PITX1: variants seen among roughly 807,000 people sequenced by gnomAD.
The protein encoded by PITX1 is pituitary homeobox 1.
Under a neutral mutation model 24.1 loss-of-function variants are expected in PITX1, and 5 were observed. The observed-to-expected ratio is 0.21, with a 90% confidence interval of 0.11 to 0.44. PITX1 has a LOEUF of 0.44. Among genes scored for constraint, PITX1 ranks in the 20% least tolerant of loss-of-function variants. The pLI is 0.99. For missense variants in PITX1, 401 were observed against 455.4 expected, an observed-to-expected ratio of 0.88 and a Z score of 1.09; for synonymous variants, 213 against 208.9, an observed-to-expected ratio of 1.02 and a Z score of -0.17.
rs1283573251 is a variant in PITX1, at chr5:135,028,693, G to T, written c.*86C>A. On this transcript the variant is annotated 3_prime_UTR_variant, in exon 3 of 3. Transcript: ENST00000265340. ...CGCGGCGCGGTGAGCTGGGGCTTGC[G>T]AGCCGGGGCCCCGCGTGCGTCCTCC... 2 of 983,650 alleles carry T rather than the reference G, an allele frequency of 2.0e-6. No individual in the cohort carries two copies. The highest frequency in any genetic ancestry group is 2.6e-6 in the Non-Finnish European group (2 of 766,044). The allele number at this position is 983,650 out of a possible 1,614,324, so 60.9% of individuals were successfully genotyped here. A position where few individuals can be genotyped will look rare whatever the true frequency, so the allele number is the denominator to read the frequency against.
rs1356781178 is a variant in PITX1 at position 135,028,171 on chromosome 5, C to T, written c.*608G>A. 1 of 152,368 alleles carries T rather than the reference C, an allele frequency of 6.6e-6. No homozygotes were observed. Among genetic ancestry groups the T allele is most frequent in the Non-Finnish European group, 1.5e-5 (1 of 68,158 alleles). 9.4% of individuals were successfully genotyped at this position (152,368 alleles called of 1,614,324 possible). ...TGTGCGGCTCCACTGAGTGCCCGATCCTGGGCTGGGGGCACCGTCCCCCCA... is the reference window on the plus strand; with the variant it reads ...TGTGCGGCTCCACTGAGTGCCCGATTCTGGGCTGGGGGCACCGTCCCCCCA... On this transcript the variant is annotated 3_prime_UTR_variant, in exon 3 of 3. Coordinates refer to ENST00000265340, the MANE Select transcript of PITX1 (RefSeq NM_002653.5).
Position 135,028,972 on chromosome 5 carries a change from G to A in PITX1, c.752C>T (p.Ser251Phe). ...GLNNINNLTG[S>F]SLNSAMSPGA... ...CGGCGACATGGCCGAGTTGAGCGAG[G>A]AGCCGGTGAGGTTGTTGATGTTGTT... is the stretch of plus-strand genomic sequence containing the variant. Residue 251 changes from serine (S) to phenylalanine (F), a missense_variant, in exon 3 of 3, where the codon TCC (serine) becomes TTC (phenylalanine). Ser to Phe is a radical substitution (Grantham distance 155). Around this residue, in one of 3 missense-constraint regions of PITX1, gnomAD observed 217 missense variants for 219.8 expected, o/e 0.99. Coordinates refer to ENST00000265340, the MANE Select transcript of PITX1 (RefSeq NM_002653.5). 4 of 1,614,192 alleles carry A rather than the reference G, an allele frequency of 2.5e-6. No homozygotes were observed. Among genetic ancestry groups the A allele is most frequent in the Non-Finnish European group, 3.4e-6 (4 of 1,180,020 alleles).
chr5:135,030,738 G>C (rs1168675965), intron 2 of PITX1, among the ~76,000 whole-genome samples: 3 of 152,228 alleles, frequency 2.0e-5, no homozygotes, highest in African/African-American at 7.2e-5. Flanking sequence ...TGATGGCTGG[G>C]GAGGGTGGAG....
chr5:135,033,179 C>G lies in PITX1; in HGVS notation c.169+534G>C. On this transcript the variant is annotated intron_variant, in intron 1 of 2. Coordinates refer to ENST00000265340, the MANE Select transcript of PITX1 (RefSeq NM_002653.5). The surrounding 1 kb of genome is among the most constrained non-coding windows in gnomAD (Gnocchi z 5.9). ...GGGAGTCCGGCCGCGCCTGTTGGCCCGCTCGCCCTCACCGTCCTCTGTGTC... is the reference window on the plus strand; with the variant it reads ...GGGAGTCCGGCCGCGCCTGTTGGCCGGCTCGCCCTCACCGTCCTCTGTGTC... The G allele has an allele frequency of 3.1e-6, 1 of 321,466 alleles. No individual in the cohort carries two copies. 19.9% of individuals were successfully genotyped at this position (321,466 alleles called of 1,614,324 possible).
chr5:135,028,652 G>T lies in PITX1; in HGVS notation c.*127C>A. ...GAGTGGGAAGTGGGAGGAGGGGGCT[G>T]CGCAGGTGTGAGGTCCGCGGCGCGG... is the stretch of plus-strand genomic sequence containing the variant. On this transcript the variant is annotated 3_prime_UTR_variant, in exon 3 of 3. Transcript: ENST00000265340. The T allele has an allele frequency of 2.0e-6, 1 of 508,108 alleles. No individual in the cohort carries two copies. Among genetic ancestry groups the T allele is most frequent in the Non-Finnish European group, 2.9e-6 (1 of 345,012 alleles). The allele number at this position is 508,108 out of a possible 1,614,324, so 31.5% of individuals were successfully genotyped here.
At position 135,029,336 on chromosome 5, in the gene PITX1, G is replaced by C. The variant is rs772136691; in HGVS notation, c.403-15C>G. 4 of 1,578,592 alleles carry C rather than the reference G, an allele frequency of 2.5e-6. No individual in the cohort carries two copies. In the South Asian group the frequency reaches 3.6e-5, roughly 14 times the overall value. On this transcript the variant is annotated splice_polypyrimidine_tract_variant and intron_variant, in intron 2 of 2. Coordinates refer to ENST00000265340, the MANE Select transcript of PITX1 (RefSeq NM_002653.5). The stretch of plus-strand genomic sequence containing the variant: ...TTGAACCAGACCTGGGGGAGGGGAC[G>C]GGAGAAGGGTCAGGGCCGCTGCGGG...
chr5:135,029,388 AC>A, intron 2 of PITX1, 67 bp from the exon 3 acceptor site: 1 of 1,366,272 alleles, frequency 7.3e-7, no homozygotes, highest in Non-Finnish European at 1.0e-6. Flanking sequence ...CCCCTTCCCC[AC>A]CGCCTGGAGC....
intron 2 of PITX1, 145 bp from the exon 3 acceptor site, chr5:135,029,466 T>G: frequency 3.1e-6 from 2 of 649,672 alleles, no homozygotes; most frequent in Middle Eastern, 4.3e-4. Flanking sequence ...GCTCCTGCAT[T>G]CCCTCCACAA....
chr5:135,033,254 C>T lies in PITX1; in HGVS notation c.169+459G>A. ...CCCCCCGTTTACCCTTCCCGCCCGC[C>T]CCTTCTCTTTGGTCTCTTTCATTCT... On this transcript the variant is annotated intron_variant, in intron 1 of 2. Transcript: ENST00000265340. This position sits in a 1 kb window ranked among gnomAD's most constrained non-coding sequence, Gnocchi z 5.9. The T allele has an allele frequency of 3.4e-6, 1 of 296,954 alleles. No individual in the cohort carries two copies. The highest frequency in any genetic ancestry group is 2.7e-5 in the South Asian group (1 of 37,552). The allele number at this position is 296,954 out of a possible 1,614,324, so 18.4% of individuals were successfully genotyped here. A position where few individuals can be genotyped will look rare whatever the true frequency, so the allele number is the denominator to read the frequency against.
Position 135,029,320 on chromosome 5 carries a change from A to G in PITX1, c.404T>C (p.Val135Ala), listed in dbSNP as rs1345681080. 6.3e-7 allele frequency: 1 copy of G among 1,589,134 alleles called. No individual in the cohort carries two copies. Residue 135 changes from valine (V) to alanine (A), a missense_variant and splice_region_variant, in exon 3 of 3, where the codon GTC becomes GCC. By Grantham distance (64) the Val-to-Ala change is moderately conservative. This residue lies in a region of PITX1 where 48 missense variants were observed against 102.2 expected (regional missense o/e 0.47). Coordinates refer to ENST00000265340, the MANE Select transcript of PITX1 (RefSeq NM_002653.5). ...WTNLTEPRVR[V>A]WFKNRRAKWR... ...CTTGGCTCGCCGGTTCTTGAACCAG[A>G]CCTGGGGGAGGGGACGGGAGAAGGG...
At chr5:135,030,099 G>A (rs1035638726) in intron 2 of PITX1, among the ~76,000 whole-genome samples, 2 of 151,958 alleles carry the variant, frequency 1.3e-5, no homozygotes, top group East Asian at 3.9e-4. Context: ...ATTCTTACTA[G>A]ATTCTTCTAA....
At chr5:135,032,736 G>A (rs1026081956) in intron 1 of PITX1, 14 of 222,384 alleles carry the variant, frequency 6.3e-5, no homozygotes, top group African/African-American at 3.1e-4. Flanking sequence ...ACCAAAGACC[G>A]CGCTTAAAAC....
In PITX1 at chr5:135,028,717, CCGCGCCCG is replaced by C. The variant is rs1752394563; in HGVS notation, c.*54_*61del. On this transcript the variant is annotated 3_prime_UTR_variant, in exon 3 of 3. Coordinates refer to ENST00000265340, the MANE Select transcript of PITX1 (RefSeq NM_002653.5). Reference sequence around the variant, plus strand: ...CGAGCCGGGGCCCCGCGTGCGTCCTCCGCGCCCGCGCCCGCGCCCTTCCCCGCTCCGGC... The same window carrying C: ...CGAGCCGGGGCCCCGCGTGCGTCCTCCGCCCGCGCCCTTCCCCGCTCCGGC... 2.0e-5 allele frequency: 9 copies of C among 442,372 alleles called. No individual in the cohort carries two copies. Among genetic ancestry groups the C allele is most frequent in the African/African-American group, 2.4e-4 (1 of 4,088 alleles). 27.4% of individuals were successfully genotyped at this position (442,372 alleles called of 1,614,324 possible). A position where few individuals can be genotyped will look rare whatever the true frequency, so the allele number is the denominator to read the frequency against.
In PITX1 at chr5:135,034,038, C is replaced by T. The variant is rs1752518523; in HGVS notation, c.-157G>A. 4 of 275,318 alleles carry T rather than the reference C, an allele frequency of 1.5e-5. No individual in the cohort carries two copies. The highest frequency in any genetic ancestry group is 1.3e-5 in the Non-Finnish European group (2 of 157,880). The allele number at this position is 275,318 out of a possible 1,614,324, so 17.1% of individuals were successfully genotyped here. ...CGCCGTGCCCGCCCCATGGACCGCC[C>T]GGGGCTGCGGCGCCGGGCGGGCAGA... On this transcript the variant is annotated 5_prime_UTR_variant, in exon 1 of 3. Coordinates refer to ENST00000265340, the MANE Select transcript of PITX1 (RefSeq NM_002653.5).
At position 135,033,627 on chromosome 5, in the gene PITX1, G is replaced by A. The variant is rs1460888484; in HGVS notation, c.169+86C>T. ...GGGCGGAGAGGGAGCTTGGTTGCGC[G>A]GCGCGGGCGTCAGGCCCTGCTCCCA... On this transcript the variant is annotated intron_variant, in intron 1 of 2. Coordinates refer to ENST00000265340, the MANE Select transcript of PITX1 (RefSeq NM_002653.5). The surrounding 1 kb of genome is among the most constrained non-coding windows in gnomAD (Gnocchi z 5.9). The A allele has an allele frequency of 1.5e-6, 2 of 1,367,752 alleles. No individual in the cohort carries two copies. Among genetic ancestry groups the A allele is most frequent in the East Asian group, 4.9e-5 (2 of 40,814 alleles). 84.7% of individuals were successfully genotyped at this position (1,367,752 alleles called of 1,614,324 possible).
chr5:135,031,781 C>G (rs1171686755), intron 1 of PITX1: 2 of 566,348 alleles, frequency 3.5e-6, no homozygotes, highest in East Asian at 5.8e-5. Flanking sequence ...ACCCTTAGCT[C>G]GGCTCAGATT....
Position 135,029,374 on chromosome 5 carries a change from C to A in PITX1, c.403-53G>T, listed in dbSNP as rs1450757459. On this transcript the variant is annotated intron_variant, in intron 2 of 2. Transcript: ENST00000265340. ...GGGCCGCTGCGGGCCGGGAGGGACCCCACCCCCTTCCCCACCGCCTGGAGC... is the reference window on the plus strand; with the variant it reads ...GGGCCGCTGCGGGCCGGGAGGGACCACACCCCCTTCCCCACCGCCTGGAGC... 1.2e-5 allele frequency: 18 copies of A among 1,445,036 alleles called. 1 individual carries two copies. Among genetic ancestry groups the A allele is most frequent in the African/African-American group, 1.4e-5 (1 of 70,234 alleles). 89.5% of individuals were successfully genotyped at this position (1,445,036 alleles called of 1,614,324 possible).
Position 135,028,940 on chromosome 5 carries a change from A to C in PITX1, c.784T>G (p.Cys262Gly). Residue 262 changes from cysteine (C) to glycine (G), a missense_variant, in exon 3 of 3, where the codon TGC becomes GGC. Cys to Gly is a radical substitution (Grantham distance 159). This residue lies in a region of PITX1 where 217 missense variants were observed against 219.8 expected (regional missense o/e 0.99). Coordinates refer to ENST00000265340, the MANE Select transcript of PITX1 (RefSeq NM_002653.5). Reference sequence around the variant, plus strand: ...GGCGAGGCGGGAGTGCCGTACGGGCAAGCGCCCGGCGACATGGCCGAGTTG... The same window carrying C: ...GGCGAGGCGGGAGTGCCGTACGGGCCAGCGCCCGGCGACATGGCCGAGTTG... ...SLNSAMSPGA[C>G]PYGTPASPYS... is the part of the protein sequence containing the mutation. 6.2e-7 allele frequency: 1 copy of C among 1,613,974 alleles called. No homozygotes were observed. Among genetic ancestry groups the C allele is most frequent in the Non-Finnish European group, 8.5e-7 (1 of 1,179,964 alleles).
At chr5:135,029,382 T>G in intron 2 of PITX1, 61 bp from the exon 3 acceptor site, 1 of 1,385,876 alleles carries the variant, frequency 7.2e-7, no homozygotes, top group Non-Finnish European at 9.9e-7. Context: ...CCCCACCCCC[T>G]TCCCCACCGC....
Sources: gnomAD v4.1 joint callset for allele counts (sites outside exome capture counted in the v4.1 genomes callset) on GRCh38, gnomAD v4.1.1 for gene constraint, gnomAD v4.1.1 regional missense constraint, Gnocchi (gnomAD v3.1) non-coding constraint, MANE v1.5 for transcripts, NCBI Gene and HGNC (gene_info 2026-07-23, HGNC 2026-07-21) for gene names.